SC5D: variants seen among roughly 807,000 people sequenced by gnomAD.
The protein encoded by SC5D is lathosterol oxidase.
SC5D carries 21 observed loss-of-function variants against 23.9 expected under a neutral mutation model. The ratio of observed to expected loss-of-function variants is 0.88; its 90% CI spans 0.62 to 1.26. The LOEUF is 1.26. SC5D is among the 50% of genes most tolerant of loss of function. SC5D has a pLI of 0.00. For missense variants in SC5D, 309 were observed against 364.8 expected (o/e 0.85, Z 1.25); for synonymous variants, 113 against 125.9 (o/e 0.90, Z 0.68).
At chr11:121,304,134 A>G in intron 2 of SC5D, 1 of 469,666 alleles carries the variant, frequency 2.1e-6, no homozygotes, top group Non-Finnish European at 3.8e-6. Context: ...TTTTGGAGGA[A>G]GGAAAAAAGG....
chr11:121,296,135 T>C (rs891633634), intron 1 of SC5D, among the ~76,000 whole-genome samples: 2 of 152,134 alleles, frequency 1.3e-5, no homozygotes, highest in African/African-American at 4.8e-5. Flanking sequence ...CCTCCCAAAG[T>C]GCTGGGAATA....
At chr11:121,306,332 C>A in intron 3 of SC5D, 54 bp from the exon 4 acceptor site, 1 of 890,476 alleles carries the variant, frequency 1.1e-6, no homozygotes, top group Non-Finnish European at 1.9e-6. Flanking sequence ...GAAAAGTGAA[C>A]TCTAATCCCA....
intron 1 of SC5D, among the ~76,000 whole-genome samples, chr11:121,294,574 C>A (rs555342341): frequency 4.3e-4 from 65 of 152,152 alleles, no homozygotes; most frequent in African/African-American, 1.5e-3. Flanking sequence ...TTAAATATTA[C>A]TATCAACTAC....
intron 1 of SC5D, among the ~76,000 whole-genome samples, chr11:121,294,620 C>A (rs145533299): frequency 1.7e-3 from 257 of 152,214 alleles, no homozygotes; most frequent in Non-Finnish European, 2.3e-3. Context: ...CAAGTGGCAC[C>A]TATTTTATCT....
intron 1 of SC5D, among the ~76,000 whole-genome samples, chr11:121,295,410 C>T (rs1257279412): frequency 2.0e-5 from 3 of 152,142 alleles, no homozygotes; most frequent in Non-Finnish European, 2.9e-5. Flanking sequence ...GATTAGCCTT[C>T]CACTGAATGC....
At chr11:121,302,788 C>G (rs1435631038) in intron 1 of SC5D, among the ~76,000 whole-genome samples, 1 of 152,206 alleles carries the variant, frequency 6.6e-6, no homozygotes, top group African/African-American at 2.4e-5. Context: ...TATTCCAGTT[C>G]TTAACACCAA....
rs557724633 is a variant in SC5D at position 121,312,767 on chromosome 11, A to T, written c.*5255A>T. Reference sequence around the variant, plus strand: ...AAAAATAAAAAAGTATATATATATAAAAATATCTTCCTCTATTATAATTTA... The same window carrying T: ...AAAAATAAAAAAGTATATATATATATAAATATCTTCCTCTATTATAATTTA... On this transcript the variant is annotated 3_prime_UTR_variant, in exon 5 of 5. Coordinates refer to ENST00000264027, the MANE Select transcript of SC5D (RefSeq NM_006918.5). Among the ~76,000 whole-genome samples, 59 of 151,020 alleles carry T rather than the reference A, an allele frequency of 3.9e-4. No homozygotes were observed. Among genetic ancestry groups the T allele is most frequent in the South Asian group, 2.5e-3 (12 of 4,820 alleles).
chr11:121,295,340 AG>A (rs1947881715), intron 1 of SC5D, among the ~76,000 whole-genome samples: 1 of 152,240 alleles, frequency 6.6e-6, no homozygotes, highest in African/African-American at 2.4e-5. Context: ...GACAACTCAC[AG>A]TGGGGGCTTC....
intron 3 of SC5D, chr11:121,305,630 G>A (rs1256946321): frequency 1.3e-5 from 2 of 152,344 alleles, no homozygotes; most frequent in Admixed American, 6.6e-5. Context: ...AGGAGGGTGA[G>A]GCAGGAGAAT....
intron 1 of SC5D, among the ~76,000 whole-genome samples, chr11:121,296,329 C>T (rs1947889159): frequency 6.6e-6 from 1 of 152,234 alleles, no homozygotes. Context: ...TAACAAATCT[C>T]CTTTACAAGT....
chr11:121,310,503 G>C lies in SC5D; in HGVS notation c.*2991G>C, dbSNP rs935888874. 2.0e-5 allele frequency among the ~76,000 whole-genome samples: 3 copies of C among 146,568 alleles called. No homozygotes were observed. Among genetic ancestry groups the C allele is most frequent in the Admixed American group, 6.9e-5 (1 of 14,482 alleles). On this transcript the variant is annotated 3_prime_UTR_variant, in exon 5 of 5. Transcript: ENST00000264027. ...ATGGAGTCTTGCTCTGTTGCCCCAG[G>C]CTGGAGTGCAGTGGCGTGATCTTGG...
At position 121,307,323 on chromosome 11, in the gene SC5D, C is replaced by G. The variant is rs141293946; in HGVS notation, c.711C>G (p.Asp237Glu). The change falls in exon 5 of 5, where the codon GAC becomes GAG. Residue 237 changes from aspartate (D) to glutamate (E), a missense_variant. Coordinates refer to ENST00000264027, the MANE Select transcript of SC5D (RefSeq NM_006918.5). ...ATACAGACCACCATATGTTCTTTGA[C>G]TATAATTATGGACAATATTTCACTT... ...AHHTDHHMFF[D>E]YNYGQYFTLW... is the part of the protein sequence containing the mutation. The G allele has an allele frequency of 6.1e-5, 99 of 1,614,096 alleles. No individual in the cohort carries two copies. In the African/African-American group the frequency reaches 1.3e-3, roughly 21 times the overall value.
intron 1 of SC5D, among the ~76,000 whole-genome samples, chr11:121,294,793 C>T (rs1947877693): frequency 6.6e-6 from 1 of 152,204 alleles, no homozygotes; most frequent in Non-Finnish European, 1.5e-5. Flanking sequence ...TTGCACGATA[C>T]TATTCTAGGT....
Position 121,308,685 on chromosome 11 carries a change from G to A in SC5D, c.*1173G>A, listed in dbSNP as rs1313762421. ...ACAAAGTATTCTTTGTACAGATTTT[G>A]TGCCAATTTGAAGCCACAGAAATGA... On this transcript the variant is annotated 3_prime_UTR_variant, in exon 5 of 5. Transcript: ENST00000264027. The A allele has an allele frequency of 6.6e-6, 1 of 152,634 alleles. No individual in the cohort carries two copies. The highest frequency in any genetic ancestry group is 1.5e-5 in the Non-Finnish European group (1 of 68,036). The allele number at this position is 152,634 out of a possible 1,614,324, so 9.5% of individuals were successfully genotyped here. A position where few individuals can be genotyped will look rare whatever the true frequency, so the allele number is the denominator to read the frequency against.
intron 1 of SC5D, among the ~76,000 whole-genome samples, chr11:121,295,085 G>T (rs763447172): frequency 1.3e-5 from 2 of 152,130 alleles, no homozygotes; most frequent in African/African-American, 2.4e-5. Flanking sequence ...ATGAGCCACA[G>T]ATAATTAGGT....
chr11:121,304,265 A>G lies in SC5D; in HGVS notation c.211-96A>G. 5.2e-6 allele frequency: 6 copies of G among 1,149,640 alleles called. No homozygotes were observed. The East Asian group carries it at 1.4e-4, about 27-fold the overall frequency. The allele number at this position is 1,149,640 out of a possible 1,614,324, so 71.2% of individuals were successfully genotyped here. On this transcript the variant is annotated intron_variant, in intron 2 of 4. Coordinates refer to ENST00000264027, the MANE Select transcript of SC5D (RefSeq NM_006918.5). ...AGTTTGGAGGTAAGCCCCTTCATGT[A>G]AAAGAGATTTTAAAAATCCAGTCCA...
rs902719611 is a variant in SC5D, at chr11:121,311,327, T to C, written c.*3815T>C. Among the ~76,000 whole-genome samples, 3 of 152,238 alleles carry C rather than the reference T, an allele frequency of 2.0e-5. No homozygotes were observed. Among genetic ancestry groups the C allele is most frequent in the Non-Finnish European group, 2.9e-5 (2 of 68,040 alleles). ...TTTTTGGCCAACCATTTTTTTATCATTTATTCATTAGCTGACATTTGCTAA... is the reference window on the plus strand; with the variant it reads ...TTTTTGGCCAACCATTTTTTTATCACTTATTCATTAGCTGACATTTGCTAA... On this transcript the variant is annotated 3_prime_UTR_variant, in exon 5 of 5. Transcript: ENST00000264027.
Position 121,310,870 on chromosome 11 carries a change from C to T in SC5D, c.*3358C>T, listed in dbSNP as rs544745235. Reference sequence around the variant, plus strand: ...CTGGTGCTTAACCGTGACTTCCCAGCCTCCAGAGCTGTAAGAAAATAAATT... The same window carrying T: ...CTGGTGCTTAACCGTGACTTCCCAGTCTCCAGAGCTGTAAGAAAATAAATT... On this transcript the variant is annotated 3_prime_UTR_variant, in exon 5 of 5. Coordinates refer to ENST00000264027, the MANE Select transcript of SC5D (RefSeq NM_006918.5). Among the ~76,000 whole-genome samples the T allele has an allele frequency of 3.9e-5, 6 of 152,262 alleles. No homozygotes were observed. The East Asian group carries it at 1.2e-3, about 29-fold the overall frequency.
chr11:121,304,586 T>C, intron 3 of SC5D, 93 bp downstream of exon 3: 1 of 1,058,072 alleles, frequency 9.5e-7, no homozygotes, highest in Non-Finnish European at 1.4e-6. Context: ...TTTTCATCTT[T>C]TAAAATAATT....
Sources: allele counts gnomAD v4.1 joint callset (sites outside exome capture counted in the v4.1 genomes callset), GRCh38; gene constraint gnomAD v4.1.1; transcripts MANE v1.5; gene names NCBI Gene and HGNC (gene_info 2026-07-23, HGNC 2026-07-21).